IGF1R: variants seen among roughly 807,000 people sequenced by gnomAD.
IGF1R encodes insulin like growth factor 1 receptor, also known as insulin-like growth factor 1 receptor.
A neutral mutation model predicts 144.6 loss-of-function variants in IGF1R; 44 were observed. The ratio of observed to expected loss-of-function variants is 0.30; its 90% CI spans 0.24 to 0.39. The LOEUF (loss-of-function observed/expected upper bound fraction) is 0.39. Ranked by LOEUF, IGF1R falls within the 10% of genes least tolerant of loss-of-function variation. The pLI is 1.00. For missense variants in IGF1R, 1,355 were observed against 1,833.7 expected, an observed-to-expected ratio of 0.74 and a Z score of 4.77; for synonymous variants, 795 against 722.8, an observed-to-expected ratio of 1.10 and a Z score of -1.60.
At chr15:98,703,474 C>G (rs1320819895) in intron 1 of IGF1R, among the ~76,000 whole-genome samples, 1 of 152,214 alleles carries the variant, frequency 6.6e-6, no homozygotes, top group African/African-American at 2.4e-5. Context: ...ATCACAAAAC[C>G]TCCTGAAGAC....
At chr15:98,674,414 TC>T (rs1484152081) in intron 1 of IGF1R, among the ~76,000 whole-genome samples, 11 of 152,224 alleles carry the variant, frequency 7.2e-5, no homozygotes, top group Non-Finnish European at 1.3e-4. Flanking sequence ...ACCCTAGGCT[TC>T]CTCGTCCTTC....
At chr15:98,666,320 G>A (rs2052736913) in intron 1 of IGF1R, among the ~76,000 whole-genome samples, 1 of 151,868 alleles carries the variant, frequency 6.6e-6, no homozygotes, top group African/African-American at 2.4e-5. Context: ...AGATGATATG[G>A]TGCTTCCTCA....
At chr15:98,864,520 A>C (rs1311197811) in intron 2 of IGF1R, among the ~76,000 whole-genome samples, 3 of 152,096 alleles carry the variant, frequency 2.0e-5, no homozygotes, top group African/African-American at 4.8e-5. Flanking sequence ...CTCCTGAGTA[A>C]CTGCCACTAC....
intron 2 of IGF1R, among the ~76,000 whole-genome samples, chr15:98,835,442 G>A (rs1438252414): frequency 1.3e-5 from 2 of 152,168 alleles, no homozygotes; most frequent in Non-Finnish European, 2.9e-5. Context: ...TTTAATCGTG[G>A]CTTTAAGTAG....
intron 2 of IGF1R, among the ~76,000 whole-genome samples, chr15:98,767,975 G>C (rs192469169): frequency 1.3e-5 from 2 of 152,298 alleles, no homozygotes; most frequent in East Asian, 3.9e-4. Context: ...GGGTTCCTCA[G>C]TCTGCAGACC....
At chr15:98,952,321 C>A (rs186487092) in intron 20 of IGF1R, among the ~76,000 whole-genome samples, 10 of 151,900 alleles carry the variant, frequency 6.6e-5, no homozygotes, top group Admixed American at 3.9e-4. Flanking sequence ...CACACACACA[C>A]ACACACACAC....
chr15:98,665,121 T>G (rs2052702509), intron 1 of IGF1R, among the ~76,000 whole-genome samples: 2 of 151,930 alleles, frequency 1.3e-5, no homozygotes, highest in Admixed American at 6.6e-5. Flanking sequence ...CCACACTAAT[T>G]TTTGTATTTT....
chr15:98,843,761 G>T (rs1057033547), intron 2 of IGF1R, among the ~76,000 whole-genome samples: 2 of 152,092 alleles, frequency 1.3e-5, no homozygotes, highest in Non-Finnish European at 2.9e-5. Context: ...TTCAGAGTGG[G>T]ATTGTTTTTT....
intron 2 of IGF1R, among the ~76,000 whole-genome samples, chr15:98,721,600 G>A (rs1297395559): frequency 6.6e-6 from 1 of 152,124 alleles, no homozygotes; most frequent in African/African-American, 2.4e-5. Context: ...GACAAAAGAG[G>A]TCTTCTCTCA....
intron 2 of IGF1R, among the ~76,000 whole-genome samples, chr15:98,823,186 A>C (rs1390960447): frequency 6.6e-6 from 1 of 152,262 alleles, no homozygotes. Flanking sequence ...CTTCATGACT[A>C]CATAAGATGT....
rs1397755370 is a variant in IGF1R at position 98,879,433 on chromosome 15, T to C, written c.641-11892T>C. 3.9e-5 allele frequency among the ~76,000 whole-genome samples: 6 copies of C among 152,308 alleles called. No homozygotes were observed. In the East Asian group the frequency reaches 7.7e-4, roughly 20 times the overall value. ...ATCCAGTTCCTCTGCCAGGCATTTC[T>C]GTAAAGATGAGGCACCTTCCACTGT... On this transcript the variant is annotated intron_variant, in intron 2 of 20. Coordinates refer to ENST00000650285, the MANE Select transcript of IGF1R (RefSeq NM_000875.5).
At position 98,717,481 on chromosome 15, in the gene IGF1R, T is replaced by C. The variant is rs149991198; in HGVS notation, c.640+9374T>C. On this transcript the variant is annotated intron_variant, in intron 2 of 20. Coordinates refer to ENST00000650285, the MANE Select transcript of IGF1R (RefSeq NM_000875.5). ...TTTCTAAATTGTAGAATTTCAATTA[T>C]TGTAAATAGCGGGCCATACTGTAGG... is the stretch of plus-strand genomic sequence containing the variant. Among the ~76,000 whole-genome samples, 282 of 152,342 alleles carry C rather than the reference T, an allele frequency of 1.9e-3. 2 individuals carry two copies. The highest frequency in any genetic ancestry group is 6.4e-3 in the African/African-American group (266 of 41,574).
At chr15:98,946,592 C>T (rs747277145) in intron 19 of IGF1R, among the ~76,000 whole-genome samples, 3 of 152,090 alleles carry the variant, frequency 2.0e-5, no homozygotes, top group Non-Finnish European at 2.9e-5. Context: ...AGTGGGACTC[C>T]GAGGAGGCCA....
At position 98,707,537 on chromosome 15, in the gene IGF1R, C is replaced by T. The variant is rs370158653; in HGVS notation, c.95-25C>T. The T allele has an allele frequency of 2.3e-5, 37 of 1,610,714 alleles. No individual in the cohort carries two copies. Among genetic ancestry groups the T allele is most frequent in the Non-Finnish European group, 2.7e-5 (32 of 1,177,112 alleles). On this transcript the variant is annotated intron_variant, in intron 1 of 20. Coordinates refer to ENST00000650285, the MANE Select transcript of IGF1R (RefSeq NM_000875.5). The surrounding 1 kb of genome is among the most constrained non-coding windows in gnomAD (Gnocchi z 6.7). ...AAAAATTATTTCCTTCTAACTGAGA[C>T]GTTTACCCTCTTGTCTCCCTTCAGT...
rs1027809090 is a variant in IGF1R at position 98,962,330 on chromosome 15, A to G, written c.*4888A>G. Reference sequence around the variant, plus strand: ...AGTTTGGGGTTTGTTCTTTTCGTTAATGTTCCTCTGTGTTGTCAGCTGTCT... The same window carrying G: ...AGTTTGGGGTTTGTTCTTTTCGTTAGTGTTCCTCTGTGTTGTCAGCTGTCT... On this transcript the variant is annotated 3_prime_UTR_variant, in exon 21 of 21. Transcript: ENST00000650285. The G allele has an allele frequency of 3.4e-5, 8 of 233,366 alleles. No homozygotes were observed. Among genetic ancestry groups the G allele is most frequent in the African/African-American group, 1.5e-4 (7 of 45,342 alleles). The allele number at this position is 233,366 out of a possible 1,614,324, so 14.5% of individuals were successfully genotyped here.
At position 98,964,338 on chromosome 15, in the gene IGF1R, A is replaced by T. The variant is rs1442215449; in HGVS notation, c.*6896A>T. 3 of 231,094 alleles carry T rather than the reference A, an allele frequency of 1.3e-5. No homozygotes were observed. The highest frequency in any genetic ancestry group is 6.6e-5 in the African/African-American group (3 of 45,226). The allele number at this position is 231,094 out of a possible 1,614,324, so 14.3% of individuals were successfully genotyped here. The stretch of plus-strand genomic sequence containing the variant: ...AAAATCAGTAGATGAAAAAAATTTC[A>T]AAATGTTTTTGTATATTCTGTTGTA... On this transcript the variant is annotated 3_prime_UTR_variant, in exon 21 of 21. Transcript: ENST00000650285.
intron 2 of IGF1R, among the ~76,000 whole-genome samples, chr15:98,868,255 A>C (rs1211112836): frequency 7.5e-6 from 1 of 133,036 alleles, no homozygotes; most frequent in Non-Finnish European, 1.6e-5. Context: ...GCTGAGATGG[A>C]GGTCAAGGCT....
intron 1 of IGF1R, among the ~76,000 whole-genome samples, chr15:98,676,672 A>T (rs1370862408): frequency 6.6e-6 from 1 of 152,232 alleles, no homozygotes; most frequent in Non-Finnish European, 1.5e-5. Context: ...AGAAAACACA[A>T]ATTCATTAGG....
intron 3 of IGF1R, 84 bp from the exon 4 acceptor site, chr15:98,896,672 GA>G: frequency 7.3e-7 from 1 of 1,368,756 alleles, no homozygotes; most frequent in East Asian, 2.3e-5. Context: ...TAATAACAAT[GA>G]AAAGCATATC....
Sources: gnomAD v4.1 joint callset for allele counts (sites outside exome capture counted in the v4.1 genomes callset) on GRCh38, gnomAD v4.1.1 for gene constraint, Gnocchi (gnomAD v3.1) non-coding constraint, MANE v1.5 for transcripts, NCBI Gene and HGNC (gene_info 2026-07-23, HGNC 2026-07-21) for gene names.